Variants in DMRT1 observed in about 807,000 individuals in gnomAD.
DMRT1 encodes doublesex- and mab-3-related transcription factor 1.
A neutral mutation model predicts 32.3 loss-of-function variants in DMRT1; 7 were observed. That is an observed-to-expected ratio of 0.22 (90% CI 0.12 to 0.41). DMRT1 has a LOEUF of 0.41. Ranked by LOEUF, DMRT1 falls within the 10% of genes least tolerant of loss-of-function variation. The probability of loss-of-function intolerance (pLI) is 1.00; values close to 1 mark genes in which losing one functional copy is unlikely to be tolerated. For synonymous variants in DMRT1, 278 were observed against 206.1 expected, an observed-to-expected ratio of 1.35 and a Z score of -2.99; for missense variants, 625 against 500.5, an observed-to-expected ratio of 1.25 and a Z score of -2.37.
chr9:843,174 G>T (rs1331497328), intron 1 of DMRT1, among the ~76,000 whole-genome samples: 1 of 152,234 alleles, frequency 6.6e-6, no homozygotes, highest in African/African-American at 2.4e-5. Flanking sequence ...AAGGATCTTG[G>T]AGGGCGGCAG....
At chr9:899,840 G>C (rs954185683) in intron 3 of DMRT1, among the ~76,000 whole-genome samples, 2 of 152,226 alleles carry the variant, frequency 1.3e-5, no homozygotes, top group Non-Finnish European at 2.9e-5. Context: ...CCCTATGGCA[G>C]GCGCCCTCTT....
chr9:896,094 C>G (rs961424996), intron 3 of DMRT1, among the ~76,000 whole-genome samples: 1 of 151,798 alleles, frequency 6.6e-6, no homozygotes, highest in Admixed American at 6.6e-5. Context: ...TGAGCCACCA[C>G]TCCCAGCCGT....
At chr9:926,948 T>C (rs1564256248) in intron 4 of DMRT1, among the ~76,000 whole-genome samples, 1 of 152,130 alleles carries the variant, frequency 6.6e-6, no homozygotes, top group Non-Finnish European at 1.5e-5. Context: ...TAGAGACCAT[T>C]TGTATTTGAA....
intron 3 of DMRT1, among the ~76,000 whole-genome samples, chr9:911,965 G>A (rs561642924): frequency 6.6e-6 from 1 of 152,228 alleles, no homozygotes; most frequent in South Asian, 2.1e-4. Context: ...GTACTAGTCT[G>A]TTCTCACACT....
intron 2 of DMRT1, among the ~76,000 whole-genome samples, chr9:866,163 CAAAAAAAAAAA>C (rs71327351): frequency 3.8e-5 from 2 of 52,666 alleles, no homozygotes; most frequent in African/African-American, 8.4e-5. Flanking sequence ...GAGTCCATCT[CAAAAAAAAAAA>C]AAAAAAAAAA....
rs1819995941 is a variant in DMRT1 at position 968,141 on chromosome 9, C to T, written c.*2C>T. 1.2e-6 allele frequency: 2 copies of T among 1,601,634 alleles called. No homozygotes were observed. The highest frequency in any genetic ancestry group is 1.7e-6 in the Non-Finnish European group (2 of 1,178,956). On this transcript the variant is annotated 3_prime_UTR_variant, in exon 5 of 5. Transcript: ENST00000382276. ...CCCGTCATCGAGGAGGACGAGTGAGCAGTGCCTGCTGCCGATGGCGGTTCA... is the reference window on the plus strand; with the variant it reads ...CCCGTCATCGAGGAGGACGAGTGAGTAGTGCCTGCTGCCGATGGCGGTTCA...
At chr9:870,269 T>G (rs564100249) in intron 2 of DMRT1, among the ~76,000 whole-genome samples, 1 of 152,176 alleles carries the variant, frequency 6.6e-6, no homozygotes, top group East Asian at 1.9e-4. Flanking sequence ...CGTGGTGACG[T>G]GCACCTGTAA....
intron 2 of DMRT1, among the ~76,000 whole-genome samples, chr9:882,092 A>C (rs1408903443): frequency 6.6e-6 from 1 of 152,210 alleles, no homozygotes; most frequent in Non-Finnish European, 1.5e-5. Context: ...ATTCTGAGGC[A>C]CAGGCAGAGG....
Position 901,694 on chromosome 9 carries a change from C to T in DMRT1, c.822+7499C>T, listed in dbSNP as rs72699268. On this transcript the variant is annotated intron_variant, in intron 3 of 4. Coordinates refer to ENST00000382276, the MANE Select transcript of DMRT1 (RefSeq NM_021951.3). The stretch of plus-strand genomic sequence containing the variant: ...TTTTTTTTTTTGCCACTGAGCTCCA[C>T]GGTCAGGTTTCCCAGGATGATGTGC... 8.3e-3 allele frequency among the ~76,000 whole-genome samples: 1,258 copies of T among 151,690 alleles called. 20 individuals are homozygous for T. Among genetic ancestry groups the T allele is most frequent in the African/African-American group, 0.028 (1,147 of 41,368 alleles).
chr9:867,320 A>G (rs1171438002), intron 2 of DMRT1, among the ~76,000 whole-genome samples: 2 of 152,226 alleles, frequency 1.3e-5, no homozygotes, highest in Non-Finnish European at 2.9e-5. Flanking sequence ...TCCACACACG[A>G]CTATGAATCA....
intron 2 of DMRT1, among the ~76,000 whole-genome samples, chr9:873,257 GTT>G (rs895060608): frequency 1.3e-5 from 2 of 151,250 alleles, no homozygotes; most frequent in African/African-American, 4.8e-5. Flanking sequence ...CCATTTGTAA[GTT>G]TTTTTTGTTT....
At chr9:859,847 T>G (rs1815575742) in intron 2 of DMRT1, among the ~76,000 whole-genome samples, 1 of 143,242 alleles carries the variant, frequency 7.0e-6, no homozygotes, top group Non-Finnish European at 1.5e-5. Flanking sequence ...ATAGCAGATT[T>G]TCTGATGTTT....
intron 2 of DMRT1, among the ~76,000 whole-genome samples, chr9:864,866 C>G (rs1432286435): frequency 4.9e-5 from 2 of 40,766 alleles, no homozygotes; most frequent in Non-Finnish European, 1.0e-4. Flanking sequence ...AAGTTTTAAG[C>G]CAAAAGCTTC....
At chr9:882,468 G>A (rs1163658449) in intron 2 of DMRT1, among the ~76,000 whole-genome samples, 1 of 152,080 alleles carries the variant, frequency 6.6e-6, no homozygotes, top group Non-Finnish European at 1.5e-5. Context: ...GGTGTCTTCT[G>A]GGAAACCTTT....
intron 2 of DMRT1, among the ~76,000 whole-genome samples, chr9:864,472 C>T (rs1202641787): frequency 7.0e-5 from 10 of 142,772 alleles, no homozygotes; most frequent in Non-Finnish European, 9.0e-5. Context: ...AGATTACAGG[C>T]GTGAGCCACC....
Position 913,052 on chromosome 9 carries a change from T to C in DMRT1, c.823-3711T>C, listed in dbSNP as rs113297530. Among the ~76,000 whole-genome samples the C allele has an allele frequency of 3.3e-5, 5 of 152,318 alleles. 1 individual carries two copies. Among genetic ancestry groups the C allele is most frequent in the African/African-American group, 1.2e-4 (5 of 41,562 alleles). ...TATATATACTGTTTGACATTTACAA[T>C]AAAAAGTTTGCTGACACCTGCTATA... On this transcript the variant is annotated intron_variant, in intron 3 of 4. Coordinates refer to ENST00000382276, the MANE Select transcript of DMRT1 (RefSeq NM_021951.3).
rs1819895280 is a variant in DMRT1, at chr9:965,200, A to G, written c.968-2785A>G. On this transcript the variant is annotated intron_variant, in intron 4 of 4. Coordinates refer to ENST00000382276, the MANE Select transcript of DMRT1 (RefSeq NM_021951.3). The surrounding 1 kb of genome is among the most constrained non-coding windows in gnomAD (Gnocchi z 4.5). ...ACACTAAATCTTTTCACGTACCTAG[A>G]ACTCTATGAGGGGCTATACTTAAAC... Among the ~76,000 whole-genome samples the G allele has an allele frequency of 6.6e-6, 1 of 152,202 alleles. No homozygotes were observed. Among genetic ancestry groups the G allele is most frequent in the Non-Finnish European group, 1.5e-5 (1 of 68,052 alleles).
chr9:936,660 A>T (rs12001229), intron 4 of DMRT1, among the ~76,000 whole-genome samples: 1 of 151,530 alleles, frequency 6.6e-6, no homozygotes. Flanking sequence ...GGCTGAGGCA[A>T]TGAGAATCGC....
In DMRT1 at chr9:916,829, C is replaced by T. The variant is rs773070732; in HGVS notation, c.889C>T (p.Pro297Ser). The change falls in exon 4 of 5, where the codon CCC (proline) becomes TCC (serine). Residue 297 changes from proline to serine, a missense_variant. Transcript: ENST00000382276. Reference protein sequence around the residue: ...QYRMHSYYPPPSYLGQSVPQF... With the variant: ...QYRMHSYYPPSSYLGQSVPQF... ...CAGGATGCATTCTTACTACCCGCCT[C>T]CCTCTTACCTGGGCCAGAGCGTGCC... is the stretch of plus-strand genomic sequence containing the variant. The T allele has an allele frequency of 6.2e-7, 1 of 1,614,218 alleles. No individual in the cohort carries two copies. Among genetic ancestry groups the T allele is most frequent in the Non-Finnish European group, 8.5e-7 (1 of 1,180,044 alleles).
Sources: gnomAD v4.1 joint callset for allele counts (sites outside exome capture counted in the v4.1 genomes callset) on GRCh38, gnomAD v4.1.1 for gene constraint, Gnocchi (gnomAD v3.1) non-coding constraint, MANE v1.5 for transcripts, NCBI Gene and HGNC (gene_info 2026-07-23, HGNC 2026-07-21) for gene names.